Variants in GLIS1 observed in about 807,000 individuals in gnomAD.
GLIS1 encodes zinc finger protein GLIS1.
GLIS1 carries 24 observed loss-of-function variants against 63.8 expected under a neutral mutation model. The observed-to-expected ratio is 0.38, with a 90% CI of 0.27 to 0.53. The LOEUF (loss-of-function observed/expected upper bound fraction) is 0.53, where lower values mean the gene tolerates loss of function less well. Among genes scored for constraint, GLIS1 ranks in the 20% least tolerant of loss-of-function variants. The pLI is 0.85. For missense variants in GLIS1, 1,036 were observed against 1,074.1 expected, an observed-to-expected ratio of 0.96 and a Z score of 0.50; for synonymous variants, 450 against 482.5, an observed-to-expected ratio of 0.93 and a Z score of 0.88.
intron 2 of GLIS1, among the ~76,000 whole-genome samples, chr1:53,642,321 G>A (rs953568471): frequency 6.6e-6 from 1 of 152,340 alleles, no homozygotes; most frequent in South Asian, 2.1e-4. Flanking sequence ...GCGAGCACTG[G>A]AGAGATTGTT....
chr1:53,521,967 C>A (rs1164801277), intron 6 of GLIS1, among the ~76,000 whole-genome samples: 1 of 152,250 alleles, frequency 6.6e-6, no homozygotes, highest in Non-Finnish European at 1.5e-5. Flanking sequence ...CCACATCACA[C>A]AGCAGCTGAG....
At chr1:53,546,966 A>T in intron 4 of GLIS1, among the ~76,000 whole-genome samples, 1 of 151,506 alleles carries the variant, frequency 6.6e-6, no homozygotes, top group East Asian at 1.9e-4. Context: ...GAAGGCTGAC[A>T]CAGAATGGAC....
At chr1:53,695,439 A>G (rs6695509) in intron 2 of GLIS1, among the ~76,000 whole-genome samples, 38,382 of 152,222 alleles carry the variant, frequency 0.25, 5,206 homozygotes, top group African/African-American at 0.36. Flanking sequence ...AGAAGGTGAC[A>G]GACAGGGCAC....
At chr1:53,565,660 C>T (rs1644930527) in intron 4 of GLIS1, among the ~76,000 whole-genome samples, 1 of 150,590 alleles carries the variant, frequency 6.6e-6, no homozygotes, top group Non-Finnish European at 1.5e-5. Flanking sequence ...GGCTAACTTC[C>T]CAAGAAATAG....
chr1:53,536,275 G>A (rs1276209026), intron 4 of GLIS1, among the ~76,000 whole-genome samples: 1 of 152,148 alleles, frequency 6.6e-6, no homozygotes, highest in Non-Finnish European at 1.5e-5. Flanking sequence ...ACTGAGGGCA[G>A]GGGGTACCCA....
At position 53,514,630 on chromosome 1, in the gene GLIS1, C is replaced by G. The variant is rs770304094; in HGVS notation, c.1878G>C (p.Arg626=). 6.8e-6 allele frequency: 11 copies of G among 1,613,148 alleles called. No individual in the cohort carries two copies. The highest frequency in any genetic ancestry group is 9.3e-6 in the Non-Finnish European group (11 of 1,179,766). ...LSPLPMAEST[R]DGLGPGLLSP... ...GACTGGCCTGGTGTACATACCCATC[C>G]CGGGTGCTCTCAGCCATGGGCAGAG... The change falls in exon 8 of 11, where the codon CGG becomes CGC. Residue 626 remains arginine, a synonymous_variant. Transcript: ENST00000628545.
chr1:53,506,955 C>T lies in GLIS1; in HGVS notation c.2231-179G>A, dbSNP rs569737576. 8.5e-5 allele frequency among the ~76,000 whole-genome samples: 13 copies of T among 152,132 alleles called. No individual in the cohort carries two copies. The South Asian group carries it at 1.5e-3, about 17-fold the overall frequency. Reference sequence around the variant, plus strand: ...GGGGGAGCTGGCCGCTGGGGTGGGGCGAGGGCTTGGGAGGCACCCTGGGCC... The same window carrying T: ...GGGGGAGCTGGCCGCTGGGGTGGGGTGAGGGCTTGGGAGGCACCCTGGGCC... On this transcript the variant is annotated intron_variant, in intron 10 of 10. Transcript: ENST00000628545.
At chr1:53,545,799 A>G (rs970504932) in intron 4 of GLIS1, among the ~76,000 whole-genome samples, 4 of 152,234 alleles carry the variant, frequency 2.6e-5, no homozygotes, top group African/African-American at 9.6e-5. Context: ...TCACAATTCT[A>G]GACTTCTTGC....
chr1:53,690,730 G>A (rs1646394549), intron 2 of GLIS1, among the ~76,000 whole-genome samples: 1 of 152,208 alleles, frequency 6.6e-6, no homozygotes, highest in Non-Finnish European at 1.5e-5. Context: ...TTAACAGACA[G>A]AGAAGGAGGA....
intron 4 of GLIS1, among the ~76,000 whole-genome samples, chr1:53,566,328 A>G (rs1011138101): frequency 6.6e-6 from 1 of 152,218 alleles, no homozygotes; most frequent in African/African-American, 2.4e-5. Flanking sequence ...AAGTATATGT[A>G]GAAAATCCAA....
intron 2 of GLIS1, among the ~76,000 whole-genome samples, chr1:53,680,074 C>A (rs1646258034): frequency 1.3e-5 from 2 of 152,090 alleles, no homozygotes; most frequent in Admixed American, 1.3e-4. Context: ...TCCAGATCCC[C>A]AGTCCCCAGC....
At chr1:53,578,011 C>G (rs572807946) in intron 4 of GLIS1, among the ~76,000 whole-genome samples, 48 of 152,244 alleles carry the variant, frequency 3.2e-4, no homozygotes, top group African/African-American at 1.1e-3. Flanking sequence ...ATTGTTGCTC[C>G]TTCTCCTAGG....
intron 2 of GLIS1, among the ~76,000 whole-genome samples, chr1:53,614,391 G>A (rs1195352752): frequency 1.3e-5 from 2 of 152,174 alleles, no homozygotes; most frequent in South Asian, 4.1e-4. Flanking sequence ...GGAAGCAGCA[G>A]GGTACAAAGG....
chr1:53,680,934 G>A (rs914588898), intron 2 of GLIS1, among the ~76,000 whole-genome samples: 1 of 152,148 alleles, frequency 6.6e-6, no homozygotes, highest in Non-Finnish European at 1.5e-5. Context: ...TCCACAAGAC[G>A]GCACACATGT....
At chr1:53,507,786 T>A (rs919194401) in intron 10 of GLIS1, among the ~76,000 whole-genome samples, 2 of 152,178 alleles carry the variant, frequency 1.3e-5, no homozygotes, top group African/African-American at 4.8e-5. Context: ...GTGTGGAAGC[T>A]GCCTCCTGCT....
Position 53,578,915 on chromosome 1 carries a change from G to A in GLIS1, c.1320+15193C>T, listed in dbSNP as rs577493937. Among the ~76,000 whole-genome samples, 57 of 152,218 alleles carry A rather than the reference G, an allele frequency of 3.7e-4. No homozygotes were observed. In the East Asian group the frequency reaches 9.8e-3, roughly 26 times the overall value. On this transcript the variant is annotated intron_variant, in intron 4 of 10. Coordinates refer to ENST00000628545, the MANE Select transcript of GLIS1 (RefSeq NM_001367484.1). ...AATTGAAGCCCAGAGAAGGGAAGGG[G>A]TGAAGAAAACATGTACCATTCTGCA...
intron 2 of GLIS1, among the ~76,000 whole-genome samples, chr1:53,701,998 G>GAAAAAAAA (rs919008620): frequency 3.4e-4 from 19 of 55,926 alleles, no homozygotes; most frequent in Non-Finnish European, 4.8e-4. Context: ...ACCTAAAAAA[G>GAAAAAAAA]AAAAAAAAAA....
At chr1:53,704,183 C>A (rs1646552701) in intron 2 of GLIS1, among the ~76,000 whole-genome samples, 1 of 152,238 alleles carries the variant, frequency 6.6e-6, no homozygotes, top group Non-Finnish European at 1.5e-5. Flanking sequence ...TGTTTGCCCA[C>A]AGCCAATGCT....
At chr1:53,667,830 T>C (rs1449158978) in intron 2 of GLIS1, among the ~76,000 whole-genome samples, 1 of 152,176 alleles carries the variant, frequency 6.6e-6, no homozygotes, top group Non-Finnish European at 1.5e-5. Context: ...CATGGCCTAA[T>C]CACCTGTTAA....
Sources: allele counts gnomAD v4.1 joint callset (sites outside exome capture counted in the v4.1 genomes callset), GRCh38; gene constraint gnomAD v4.1.1; transcripts MANE v1.5; gene names NCBI Gene and HGNC (gene_info 2026-07-23, HGNC 2026-07-21).